Variants in SCGB3A2 observed in about 807,000 individuals in gnomAD.
SCGB3A2 encodes the protein secretoglobin family 3A member 2.
Under a neutral mutation model 7.7 loss-of-function variants are expected in SCGB3A2, and 5 were observed. The observed-to-expected ratio is 0.65, with a 90% CI of 0.34 to 1.36. The LOEUF (loss-of-function observed/expected upper bound fraction) is 1.36, where lower values mean the gene tolerates loss of function less well. SCGB3A2 is among the 40% of genes most tolerant of loss of function. The pLI, the probability that SCGB3A2 is intolerant of heterozygous loss-of-function variation, is 0.04. For missense variants in SCGB3A2, 109 were observed against 103.6 expected (o/e 1.05, Z -0.23); for synonymous variants, 44 against 42.7 (o/e 1.03, Z -0.12).
Position 147,882,141 on chromosome 5 carries a change from T to C in SCGB3A2, c.*91T>C. 7.9e-7 allele frequency: 1 copy of C among 1,273,470 alleles called. No homozygotes were observed. The highest frequency in any genetic ancestry group is 1.1e-6 in the Non-Finnish European group (1 of 871,762). 78.9% of individuals were successfully genotyped at this position (1,273,470 alleles called of 1,614,324 possible). ...CCTGTTCTACCAATTATAGATCAAATGCCCTAAAATGTAGTGACCCGTGAA... is the reference window on the plus strand; with the variant it reads ...CCTGTTCTACCAATTATAGATCAAACGCCCTAAAATGTAGTGACCCGTGAA... On this transcript the variant is annotated 3_prime_UTR_variant, in exon 3 of 3. Transcript: ENST00000296694.
intron 1 of SCGB3A2, chr5:147,881,175 G>A (rs6859234): frequency 0.16 from 59,782 of 379,152 alleles, 5,679 homozygotes; most frequent in Admixed American, 0.3. Flanking sequence ...ATAAATGACG[G>A]AGAGTGACTA....
chr5:147,880,286 A>G (rs1160523474), intron 1 of SCGB3A2, among the ~76,000 whole-genome samples: 1 of 152,146 alleles, frequency 6.6e-6, no homozygotes, highest in Non-Finnish European at 1.5e-5. Flanking sequence ...AAAGCCAAAG[A>G]TATAAAACGT....
At chr5:147,881,896 G>A (rs1757354481) in intron 2 of SCGB3A2, 131 bp from the exon 3 acceptor site, 5 of 971,728 alleles carry the variant, frequency 5.1e-6, no homozygotes, top group South Asian at 4.1e-5. Flanking sequence ...TGGATGAGAC[G>A]TAATCACTCT....
intron 1 of SCGB3A2, 89 bp downstream of exon 1, chr5:147,878,947 A>T: frequency 1.2e-6 from 1 of 857,698 alleles, no homozygotes; most frequent in Non-Finnish European, 2.0e-6. Context: ...CCTCACTGAC[A>T]GTGGAATATG....
chr5:147,878,863 G>A lies in SCGB3A2; in HGVS notation c.55+5G>A, dbSNP rs1410803373. The A allele has an allele frequency of 1.3e-6, 2 of 1,598,354 alleles. No homozygotes were observed. The highest frequency in any genetic ancestry group is 2.7e-5 in the African/African-American group (2 of 74,578). On this transcript the variant is annotated splice_donor_5th_base_variant and intron_variant, in intron 1 of 2. Coordinates refer to ENST00000296694, the MANE Select transcript of SCGB3A2 (RefSeq NM_054023.5). ...TCAGCCTTTGTAGTTACTCTGGTAA[G>A]TAACTGGAATACATCTGGAATATGT... is the stretch of plus-strand genomic sequence containing the variant.
Position 147,881,465 on chromosome 5 carries a change from C to A in SCGB3A2, c.75C>A (p.Asn25Lys). 6.2e-7 allele frequency: 1 copy of A among 1,613,992 alleles called. No homozygotes were observed. Among genetic ancestry groups the A allele is most frequent in the Non-Finnish European group, 8.5e-7 (1 of 1,179,892 alleles). The change falls in exon 2 of 3, where the codon AAC (asparagine) becomes AAA (lysine). Residue 25 changes from asparagine (N) to lysine (K), a missense_variant. Physicochemically the swap from Asn to Lys is moderately conservative, Grantham distance 94. Coordinates refer to ENST00000296694, the MANE Select transcript of SCGB3A2 (RefSeq NM_054023.5). ...CSYSATAFLI[N>K]KVPLPVDKLA... ...CTGCAGCTACTGCCTTCCTCATCAA[C>A]AAAGTGCCCCTTCCTGTTGACAAGT...
chr5:147,880,670 G>A (rs184891469), intron 1 of SCGB3A2: 1 of 152,138 alleles, frequency 6.6e-6, no homozygotes, highest in South Asian at 2.1e-4. Flanking sequence ...TCCCTTTCTT[G>A]TGTTTCCATG....
chr5:147,881,728 G>A, intron 2 of SCGB3A2, 80 bp downstream of exon 2: 2 of 1,107,538 alleles, frequency 1.8e-6, no homozygotes, highest in Non-Finnish European at 2.6e-6. Context: ...CTTGTCCCTT[G>A]TAAATGTGCA....
rs961784042 is a variant in SCGB3A2 at position 147,881,473 on chromosome 5, C to T, written c.83C>T (p.Pro28Leu). ...ACTGCCTTCCTCATCAACAAAGTGC[C>T]CCTTCCTGTTGACAAGTTGGCACCT... The part of the protein sequence containing the change: ...SATAFLINKV[P>L]LPVDKLAPLP... The change falls in exon 2 of 3, where the codon CCC becomes CTC. Residue 28 changes from proline (P) to leucine (L), a missense_variant. Physicochemically the swap from Pro to Leu is moderately conservative, Grantham distance 98. Coordinates refer to ENST00000296694, the MANE Select transcript of SCGB3A2 (RefSeq NM_054023.5). 1.1e-5 allele frequency: 18 copies of T among 1,613,876 alleles called. No homozygotes were observed. The highest frequency in any genetic ancestry group is 1.4e-5 in the Non-Finnish European group (16 of 1,179,906).
intron 1 of SCGB3A2, among the ~76,000 whole-genome samples, chr5:147,880,397 C>T (rs113354309): frequency 1.1e-3 from 169 of 152,210 alleles, no homozygotes; most frequent in African/African-American, 3.9e-3. Flanking sequence ...AATCTGACCT[C>T]ACTCAACTTT....
Position 147,882,145 on chromosome 5 carries a change from C to T in SCGB3A2, c.*95C>T. On this transcript the variant is annotated 3_prime_UTR_variant, in exon 3 of 3. Coordinates refer to ENST00000296694, the MANE Select transcript of SCGB3A2 (RefSeq NM_054023.5). ...TTCTACCAATTATAGATCAAATGCC[C>T]TAAAATGTAGTGACCCGTGAAAAGG... The T allele has an allele frequency of 7.9e-7, 1 of 1,272,086 alleles. No homozygotes were observed. Among genetic ancestry groups the T allele is most frequent in the East Asian group, 2.3e-5 (1 of 43,202 alleles). 78.8% of individuals were successfully genotyped at this position (1,272,086 alleles called of 1,614,324 possible).
rs368131235 is a variant in SCGB3A2, at chr5:147,878,799, C to T, written c.-5C>T. 1.4e-5 allele frequency: 23 copies of T among 1,611,434 alleles called. No individual in the cohort carries two copies. The highest frequency in any genetic ancestry group is 1.0e-4 in the Admixed American group (6 of 59,988). On this transcript the variant is annotated 5_prime_UTR_variant, in exon 1 of 3. Transcript: ENST00000296694. The stretch of plus-strand genomic sequence containing the variant: ...AACTCCTGAAAAATATCCCAGATAA[C>T]TGTCATGAAGCTGGTAACTATCTTC...
chr5:147,878,796 T>C lies in SCGB3A2; in HGVS notation c.-8T>C. On this transcript the variant is annotated 5_prime_UTR_variant, in exon 1 of 3. Transcript: ENST00000296694. ...TTAAACTCCTGAAAAATATCCCAGA[T>C]AACTGTCATGAAGCTGGTAACTATC... The C allele has an allele frequency of 1.9e-6, 3 of 1,611,656 alleles. No homozygotes were observed. Among genetic ancestry groups the C allele is most frequent in the Non-Finnish European group, 1.7e-6 (2 of 1,177,816 alleles).
intron 1 of SCGB3A2, among the ~76,000 whole-genome samples, chr5:147,880,325 G>A (rs921909118): frequency 2.6e-5 from 4 of 151,796 alleles, no homozygotes; most frequent in East Asian, 3.9e-4. Flanking sequence ...CCTTGATAGC[G>A]CCCCACTGCC....
Position 147,878,716 on chromosome 5 carries a change from TTG to T in SCGB3A2, c.-86_-85del. ...TGTGTGCAAAAGCAGCCATCACACT[TTG>T]TATGGCAAGTGGAACCACTGGCTTG... is the stretch of plus-strand genomic sequence containing the variant. On this transcript the variant is annotated 5_prime_UTR_variant, in exon 1 of 3. Transcript: ENST00000296694. 1.0e-6 allele frequency: 1 copy of T among 991,328 alleles called. No homozygotes were observed. The allele number at this position is 991,328 out of a possible 1,614,324, so 61.4% of individuals were successfully genotyped here.
rs114767590 is a variant in SCGB3A2, at chr5:147,878,755, T to C, written c.-49T>C. 5.4e-4 allele frequency: 798 copies of C among 1,491,192 alleles called. 3 individuals carry two copies. In the African/African-American group the frequency reaches 9.3e-3, roughly 17 times the overall value. The allele number at this position is 1,491,192 out of a possible 1,614,324, so 92.4% of individuals were successfully genotyped here. A position where few individuals can be genotyped will look rare whatever the true frequency, so the allele number is the denominator to read the frequency against. ...GAACCACTGGCTTGGTGGATTTTGCTAGATTTTTCTGATTTTTAAACTCCT... is the reference window on the plus strand; with the variant it reads ...GAACCACTGGCTTGGTGGATTTTGCCAGATTTTTCTGATTTTTAAACTCCT... On this transcript the variant is annotated 5_prime_UTR_variant, in exon 1 of 3. Transcript: ENST00000296694.
At chr5:147,879,582 G>A (rs554783662) in intron 1 of SCGB3A2, among the ~76,000 whole-genome samples, 46 of 152,246 alleles carry the variant, frequency 3.0e-4, no homozygotes, top group Non-Finnish European at 5.4e-4. Context: ...TTCAGGTAAG[G>A]GTATAGAAGC....
intron 1 of SCGB3A2, among the ~76,000 whole-genome samples, chr5:147,880,520 G>C (rs1029115652): frequency 1.3e-5 from 2 of 152,036 alleles, no homozygotes; most frequent in African/African-American, 4.8e-5. Flanking sequence ...TTATCCTAAT[G>C]GTTCCGTGCC....
chr5:147,879,404 T>C (rs1417194465), intron 1 of SCGB3A2, among the ~76,000 whole-genome samples: 1 of 152,220 alleles, frequency 6.6e-6, no homozygotes, highest in East Asian at 1.9e-4. Context: ...TGGATAGGCA[T>C]TGGAAGATTT....
Sources: gnomAD v4.1 joint callset for allele counts (sites outside exome capture counted in the v4.1 genomes callset) on GRCh38, gnomAD v4.1.1 for gene constraint, MANE v1.5 for transcripts, NCBI Gene and HGNC (gene_info 2026-07-23, HGNC 2026-07-21) for gene names.